KLF12: variants seen among roughly 807,000 people sequenced by gnomAD.
The protein encoded by KLF12 is Krueppel-like factor 12.
A neutral mutation model predicts 37.8 loss-of-function variants in KLF12; 9 were observed. The ratio of observed to expected loss-of-function variants is 0.24; its 90% CI spans 0.14 to 0.42. The LOEUF (loss-of-function observed/expected upper bound fraction) is 0.42, where lower values mean the gene tolerates loss of function less well. Ranked by LOEUF, KLF12 falls within the 10% of genes least tolerant of loss-of-function variation. KLF12 has a pLI of 1.00. For missense variants in KLF12, 411 were observed against 516.0 expected, an observed-to-expected ratio of 0.80 and a Z score of 1.97; for synonymous variants, 208 against 202.1, an observed-to-expected ratio of 1.03 and a Z score of -0.25.
rs191132805 is a variant in KLF12, at chr13:73,767,869, T to A, written c.807-2869A>T. ...TAGTTAATCAAGAGAATACCATCAC[T>A]CTGGTTTTCAATGTTTTCATAAACC... On this transcript the variant is annotated intron_variant, in intron 5 of 7. Transcript: ENST00000377669. Among the ~76,000 whole-genome samples the A allele has an allele frequency of 3.3e-5, 5 of 152,248 alleles. No homozygotes were observed. The East Asian group carries it at 9.7e-4, about 29-fold the overall frequency.
intron 5 of KLF12, among the ~76,000 whole-genome samples, chr13:73,778,473 C>A (rs1023160885): frequency 6.6e-6 from 1 of 152,178 alleles, no homozygotes; most frequent in African/African-American, 2.4e-5. Flanking sequence ...GATCCCTCTG[C>A]CTCAGCCTCC....
the KLF12 span, among the ~76,000 whole-genome samples, chr13:74,295,672 C>G: frequency 6.6e-6 from 1 of 151,960 alleles, no homozygotes; most frequent in Non-Finnish European, 1.5e-5. Flanking sequence ...ATAATAGAAT[C>G]AATATATGTA....
chr13:74,261,648 C>T, the KLF12 span, among the ~76,000 whole-genome samples: 1 of 152,150 alleles, frequency 6.6e-6, no homozygotes, highest in African/African-American at 2.4e-5. Flanking sequence ...ATTTTAGTGT[C>T]TTTTGACATT....
chr13:73,837,312 G>A (rs766079369), intron 4 of KLF12, among the ~76,000 whole-genome samples: 1 of 152,064 alleles, frequency 6.6e-6, no homozygotes, highest in Non-Finnish European at 1.5e-5. Flanking sequence ...TATTATCATC[G>A]AATCTTAGAA....
intron 1 of KLF12, among the ~76,000 whole-genome samples, chr13:74,043,080 T>G (rs1192530374): frequency 2.6e-5 from 4 of 152,190 alleles, no homozygotes; most frequent in African/African-American, 9.7e-5. Context: ...AATCTCTCCA[T>G]GAGGTTAAAC....
At chr13:73,976,354 C>G (rs960445123) in intron 2 of KLF12, among the ~76,000 whole-genome samples, 2 of 152,144 alleles carry the variant, frequency 1.3e-5, no homozygotes. Flanking sequence ...TTCCAAGGAA[C>G]CGGTTGCTCA....
At position 73,688,724 on chromosome 13, in the gene KLF12, G is replaced by A. The variant is rs949370757; in HGVS notation, c.*6766C>T. On this transcript the variant is annotated 3_prime_UTR_variant, in exon 8 of 8. Coordinates refer to ENST00000377669, the MANE Select transcript of KLF12 (RefSeq NM_007249.5). ...TTCAAATATTCAGTACCATTGTTAAGTCATGTGTTATATCATGTCCCGATA... is the reference window on the plus strand; with the variant it reads ...TTCAAATATTCAGTACCATTGTTAAATCATGTGTTATATCATGTCCCGATA... The A allele has an allele frequency of 2.0e-5, 3 of 152,174 alleles. No homozygotes were observed. Among genetic ancestry groups the A allele is most frequent in the African/African-American group, 7.2e-5 (3 of 41,438 alleles). 9.4% of individuals were successfully genotyped at this position (152,174 alleles called of 1,614,324 possible).
intron 1 of KLF12, among the ~76,000 whole-genome samples, chr13:74,082,316 T>A (rs1428459463): frequency 6.6e-6 from 1 of 152,086 alleles, no homozygotes; most frequent in East Asian, 1.9e-4. Context: ...CATATCCTTT[T>A]CACATGTAAA....
intron 5 of KLF12, chr13:73,800,187 G>T (rs530195274): frequency 1.9e-4 from 29 of 152,032 alleles, no homozygotes; most frequent in Non-Finnish European, 4.1e-4. Context: ...GTCAAGCTCT[G>T]TATTTCAGAA....
At chr13:73,770,347 G>T (rs1880189285) in intron 5 of KLF12, among the ~76,000 whole-genome samples, 1 of 151,972 alleles carries the variant, frequency 6.6e-6, no homozygotes, top group Non-Finnish European at 1.5e-5. Context: ...AATTCAGTGG[G>T]CCTATTTTAT....
intron 5 of KLF12, among the ~76,000 whole-genome samples, chr13:73,796,505 TG>T (rs1881974146): frequency 1.0e-5 from 1 of 99,330 alleles, no homozygotes; most frequent in Non-Finnish European, 2.2e-5. Context: ...CCTGCCCCTG[TG>T]CTGTGTGTGT....
At chr13:74,191,209 GT>G in the KLF12 span, among the ~76,000 whole-genome samples, 912 of 152,298 alleles carry the variant, frequency 6.0e-3, 11 homozygotes, top group African/African-American at 0.021. Context: ...AGTATATTCT[GT>G]TTCTGAATTA....
the KLF12 span, among the ~76,000 whole-genome samples, chr13:74,186,222 T>G: frequency 6.6e-6 from 1 of 152,176 alleles, no homozygotes; most frequent in Non-Finnish European, 1.5e-5. Context: ...TGTAAGAAAC[T>G]GTAATACTTT....
intron 6 of KLF12, among the ~76,000 whole-genome samples, chr13:73,744,351 G>A (rs1396547679): frequency 2.0e-5 from 3 of 152,198 alleles, no homozygotes; most frequent in Admixed American, 2.0e-4. Flanking sequence ...ACTACCTATT[G>A]TGAATGTCGC....
intron 3 of KLF12, among the ~76,000 whole-genome samples, chr13:73,936,852 A>G (rs941686604): frequency 5.3e-5 from 8 of 152,204 alleles, no homozygotes; most frequent in African/African-American, 1.9e-4. Context: ...AATTCCCACA[A>G]GAGTTAATCC....
intron 6 of KLF12, among the ~76,000 whole-genome samples, chr13:73,720,409 T>C (rs1397708126): frequency 2.6e-5 from 4 of 152,226 alleles, no homozygotes; most frequent in Non-Finnish European, 5.9e-5. Flanking sequence ...CAGTAGAGCA[T>C]TCTTTGCATA....
intron 1 of KLF12, among the ~76,000 whole-genome samples, chr13:74,054,390 C>T (rs1439564336): frequency 6.6e-6 from 1 of 152,090 alleles, no homozygotes; most frequent in East Asian, 1.9e-4. Context: ...GTTTTTCCAT[C>T]AGCATAAAAA....
chr13:73,703,664 CTA>C (rs1370957681), intron 7 of KLF12, among the ~76,000 whole-genome samples: 2 of 152,184 alleles, frequency 1.3e-5, no homozygotes, highest in Non-Finnish European at 2.9e-5. Context: ...ATACTTTGCT[CTA>C]AGAGCTTTAT....
the KLF12 span, among the ~76,000 whole-genome samples, chr13:74,284,394 T>C: frequency 6.6e-6 from 1 of 152,184 alleles, no homozygotes; most frequent in Non-Finnish European, 1.5e-5. Context: ...CAGAATGTGA[T>C]CCTCAGCTAC....
Sources: gnomAD v4.1 joint callset for allele counts (sites outside exome capture counted in the v4.1 genomes callset) on GRCh38, gnomAD v4.1.1 for gene constraint, MANE v1.5 for transcripts, NCBI Gene and HGNC (gene_info 2026-07-23, HGNC 2026-07-21) for gene names.